The following TECPR2 variants were observed in gnomAD, a reference collection of about 807,000 sequenced individuals.
TECPR2 encodes tectonin beta-propeller repeat containing 2.
Under a neutral mutation model 138.1 loss-of-function variants are expected in TECPR2, and 65 were observed. The observed-to-expected ratio is 0.47, with a 90% CI of 0.39 to 0.58. The LOEUF is 0.58. Among genes scored for constraint, TECPR2 ranks in the 20% least tolerant of loss-of-function variants. The probability of loss-of-function intolerance (pLI) is 0.00; values close to 1 mark genes in which losing one functional copy is unlikely to be tolerated. For synonymous variants in TECPR2, 746 were observed against 749.8 expected, an observed-to-expected ratio of 0.99 and a Z score of 0.08; for missense variants, 1,553 against 1,824.5, an observed-to-expected ratio of 0.85 and a Z score of 2.71.
At position 102,379,653 on chromosome 14, in the gene TECPR2, C is replaced by A. The variant is rs78791306; in HGVS notation, c.219+2713C>A. Among the ~76,000 whole-genome samples the A allele has an allele frequency of 6.1e-5, 8 of 131,906 alleles. No individual in the cohort carries two copies. The South Asian group carries it at 1.0e-3, about 17-fold the overall frequency. 86.5% of individuals were successfully genotyped at this position (131,906 alleles called of 152,430 possible). ...CCCTAGTCACACTGCTGAAGATCAC[C>A]ATCTTAAAATCCATGCACAGAGGCA... is the stretch of plus-strand genomic sequence containing the variant. On this transcript the variant is annotated intron_variant, in intron 2 of 19. Transcript: ENST00000359520.
chr14:102,428,222 GTTTTTT>G (rs565236204), intron 6 of TECPR2, 22 bp from the exon 7 acceptor site: 472 of 1,057,212 alleles, frequency 4.5e-4, no homozygotes, highest in East Asian at 1.1e-3. Context: ...TGTGTTTTTT[GTTTTTT>G]TTTTTTTTTT....
chr14:102,380,752 C>T (rs1272551612), intron 2 of TECPR2, among the ~76,000 whole-genome samples: 3 of 152,246 alleles, frequency 2.0e-5, no homozygotes, highest in South Asian at 2.1e-4. Flanking sequence ...GATCTCGGCT[C>T]ACTGCAACCT....
intron 1 of TECPR2, among the ~76,000 whole-genome samples, chr14:102,373,198 T>TC (rs570505632): frequency 0.027 from 4,109 of 151,822 alleles, 73 homozygotes; most frequent in Middle Eastern, 0.085. Context: ...GTTTTTTTTT[T>TC]CTTTCTTTTT....
intron 1 of TECPR2, among the ~76,000 whole-genome samples, chr14:102,372,087 C>T (rs111928882): frequency 2.3e-3 from 350 of 151,986 alleles, no homozygotes; most frequent in African/African-American, 7.4e-3. Flanking sequence ...TGGGCTCAAG[C>T]GATTCTCTGT....
intron 17 of TECPR2, among the ~76,000 whole-genome samples, chr14:102,480,676 G>A (rs1301743960): frequency 6.6e-6 from 1 of 151,374 alleles, no homozygotes; most frequent in Non-Finnish European, 1.5e-5. Context: ...ATCACACCTG[G>A]CTCATTTTTT....
chr14:102,437,916 T>G, intron 9 of TECPR2, 106 bp from the exon 10 acceptor site: 2 of 1,339,840 alleles, frequency 1.5e-6, no homozygotes, highest in Non-Finnish European at 2.0e-6. Flanking sequence ...CTGACCCGTT[T>G]TACCGTCTCG....
chr14:102,411,528 T>G (rs1476573457), intron 4 of TECPR2, among the ~76,000 whole-genome samples: 1 of 151,868 alleles, frequency 6.6e-6, no homozygotes, highest in African/African-American at 2.4e-5. Context: ...GCACCCCCAC[T>G]GAGCACCTTG....
intron 7 of TECPR2, 74 bp downstream of exon 7, chr14:102,428,456 A>G: frequency 3.8e-6 from 6 of 1,583,614 alleles, no homozygotes; most frequent in Non-Finnish European, 4.3e-6. Flanking sequence ...ATTGCAGTTA[A>G]TAATTGATCA....
chr14:102,457,119 C>G (rs1476573249), intron 16 of TECPR2, among the ~76,000 whole-genome samples: 1 of 152,096 alleles, frequency 6.6e-6, no homozygotes. Context: ...GAGTCTTACT[C>G]TGTTGCCTAG....
Position 102,376,852 on chromosome 14 carries a change from A to T in TECPR2, c.131A>T (p.Asn44Ile). 1 of 1,614,100 alleles carries T rather than the reference A, an allele frequency of 6.2e-7. No homozygotes were observed. Residue 44 changes from asparagine (N) to isoleucine (I), a missense_variant, in exon 2 of 20, where the codon AAC becomes ATC. Coordinates refer to ENST00000359520, the MANE Select transcript of TECPR2 (RefSeq NM_014844.5). ...GTCTATCTCACGGCCCTCGACACCAACGGGGACTACATCGCGGTGGGCAGC... is the reference window on the plus strand; with the variant it reads ...GTCTATCTCACGGCCCTCGACACCATCGGGGACTACATCGCGGTGGGCAGC... ...IVVYLTALDT[N>I]GDYIAVGSSI...
chr14:102,437,261 G>T, intron 9 of TECPR2: 1 of 938,314 alleles, frequency 1.1e-6, no homozygotes, highest in Non-Finnish European at 1.3e-6. Flanking sequence ...AAGAATTCTA[G>T]CAAGGTCGGG....
chr14:102,468,272 C>G (rs1890591793), intron 17 of TECPR2, among the ~76,000 whole-genome samples: 1 of 152,236 alleles, frequency 6.6e-6, no homozygotes, highest in Admixed American at 6.5e-5. Context: ...ACTGCAACTT[C>G]TGCCTCCTGG....
chr14:102,415,761 G>T lies in TECPR2; in HGVS notation c.638+968G>T, dbSNP rs1889007024. ...TCCCGTCTTGTGTCTCCCAGGAAAGGGCACTGTTTGCCTGCATAGAATCAG... is the reference window on the plus strand; with the variant it reads ...TCCCGTCTTGTGTCTCCCAGGAAAGTGCACTGTTTGCCTGCATAGAATCAG... On this transcript the variant is annotated intron_variant, in intron 5 of 19. Coordinates refer to ENST00000359520, the MANE Select transcript of TECPR2 (RefSeq NM_014844.5). This position sits in a 1 kb window ranked among gnomAD's most constrained non-coding sequence, Gnocchi z 4.3. 6.6e-6 allele frequency among the ~76,000 whole-genome samples: 1 copy of T among 152,188 alleles called. No individual in the cohort carries two copies. Among genetic ancestry groups the T allele is most frequent in the South Asian group, 2.1e-4 (1 of 4,832 alleles).
intron 11 of TECPR2, among the ~76,000 whole-genome samples, chr14:102,442,323 C>T (rs1331918377): frequency 2.0e-5 from 3 of 152,208 alleles, no homozygotes; most frequent in African/African-American, 7.2e-5. Flanking sequence ...GATGAGTCTT[C>T]AGGTTGAAGC....
At chr14:102,432,277 A>C in intron 8 of TECPR2, 149 bp downstream of exon 8, 1 of 726,968 alleles carries the variant, frequency 1.4e-6, no homozygotes, top group Non-Finnish European at 2.1e-6. Context: ...TTACTGCAAA[A>C]TACTTCACAT....
rs916782689 is a variant in TECPR2, at chr14:102,496,987, G to T, written c.3798G>T (p.Gly1266=). ...IMIEPPVQPA[G]VSLVSVHSSP... is the part of the protein sequence containing the mutation. ...TCCCTTCCCGCTTCCAGCCCGCCGG[G>T]GTCAGCTTGGTCAGCGTCCATTCCA... Residue 1266 remains glycine (G), a synonymous_variant, in exon 18 of 20, where the codon GGG becomes GGT. Transcript: ENST00000359520. The T allele has an allele frequency of 6.2e-7, 1 of 1,613,874 alleles. No individual in the cohort carries two copies. The highest frequency in any genetic ancestry group is 1.1e-5 in the South Asian group (1 of 91,068).
At chr14:102,387,875 G>A (rs895677501) in intron 2 of TECPR2, among the ~76,000 whole-genome samples, 1 of 152,158 alleles carries the variant, frequency 6.6e-6, no homozygotes, top group South Asian at 2.1e-4. Context: ...GACTGAGAAG[G>A]TGACAGTTGA....
At position 102,499,357 on chromosome 14, in the gene TECPR2, T is replaced by C. The variant is rs781419423; in HGVS notation, c.*1100T>C. ...TTACAAATCTGCATAAAATACCTCA[T>C]TTCAAATCAAATCTTACAAATTTAG... On this transcript the variant is annotated 3_prime_UTR_variant, in exon 20 of 20. Coordinates refer to ENST00000359520, the MANE Select transcript of TECPR2 (RefSeq NM_014844.5). 5 of 601,600 alleles carry C rather than the reference T, an allele frequency of 8.3e-6. No individual in the cohort carries two copies. The highest frequency in any genetic ancestry group is 1.5e-5 in the Non-Finnish European group (5 of 336,414). 37.3% of individuals were successfully genotyped at this position (601,600 alleles called of 1,614,324 possible). A position where few individuals can be genotyped will look rare whatever the true frequency, so the allele number is the denominator to read the frequency against.
At chr14:102,400,209 C>T (rs1888439091) in intron 2 of TECPR2, among the ~76,000 whole-genome samples, 1 of 152,104 alleles carries the variant, frequency 6.6e-6, no homozygotes, top group Admixed American at 6.6e-5. Flanking sequence ...CCACACCCAG[C>T]TAATTTTTGT....
Sources: allele counts gnomAD v4.1 joint callset (sites outside exome capture counted in the v4.1 genomes callset), GRCh38; gene constraint gnomAD v4.1.1; non-coding constraint Gnocchi (gnomAD v3.1); transcripts MANE v1.5; gene names NCBI Gene and HGNC (gene_info 2026-07-23, HGNC 2026-07-21).